Variants in NAV2 observed in about 807,000 individuals in gnomAD.
NAV2 encodes the protein neuron navigator 2.
NAV2 carries 54 observed loss-of-function variants against 223.2 expected under a neutral mutation model. The ratio of observed to expected loss-of-function variants is 0.24; its 90% confidence interval spans 0.19 to 0.30. The LOEUF is 0.30. Ranked by LOEUF, NAV2 falls within the 10% of genes least tolerant of loss-of-function variation. The probability of loss-of-function intolerance (pLI) is 1.00; values close to 1 mark genes in which losing one functional copy is unlikely to be tolerated. For synonymous variants in NAV2, 1,279 were observed against 1,239.3 expected, an observed-to-expected ratio of 1.03 and a Z score of -0.67; for missense variants, 2,806 against 3,147.5, an observed-to-expected ratio of 0.89 and a Z score of 2.60.
intron 1 of NAV2, among the ~76,000 whole-genome samples, chr11:19,676,481 G>GA (rs3043464): frequency 7.3e-5 from 11 of 151,360 alleles, no homozygotes; most frequent in African/African-American, 2.4e-4. Flanking sequence ...ACCTCTCCCT[G>GA]AAAAAAAAAA....
In NAV2 at chr11:19,998,599, G is replaced by A. The variant is rs759742002; in HGVS notation, c.2768+14352G>A. Among the ~76,000 whole-genome samples, 14 of 152,150 alleles carry A rather than the reference G, an allele frequency of 9.2e-5. No homozygotes were observed. The highest frequency in any genetic ancestry group is 2.1e-4 in the South Asian group (1 of 4,816). On this transcript the variant is annotated intron_variant, in intron 11 of 37. Coordinates refer to ENST00000349880, the MANE Select transcript of NAV2 (RefSeq NM_145117.5). This position sits in a 1 kb window ranked among gnomAD's most constrained non-coding sequence, Gnocchi z 5.0. ...CACCTCTCCAGCCTCACCTCATCAC[G>A]CTTTACCTCCCTGACTCCTGCCTTC...
At chr11:19,859,842 G>T (rs1458420376) in intron 3 of NAV2, among the ~76,000 whole-genome samples, 3 of 147,040 alleles carry the variant, frequency 2.0e-5, no homozygotes, top group Non-Finnish European at 4.5e-5. Context: ...ACTCCCTCCC[G>T]GACGGGGCGG....
intron 5 of NAV2, among the ~76,000 whole-genome samples, chr11:19,882,790 A>G (rs904499409): frequency 6.6e-6 from 1 of 152,128 alleles, no homozygotes; most frequent in Non-Finnish European, 1.5e-5. Context: ...TGGCCCCCTG[A>G]CCCTACAGTG....
At position 19,837,411 on chromosome 11, in the gene NAV2, G is replaced by A. The variant is rs117629753; in HGVS notation, c.385+4810G>A. On this transcript the variant is annotated intron_variant, in intron 2 of 37. Coordinates refer to ENST00000349880, the MANE Select transcript of NAV2 (RefSeq NM_145117.5). Reference sequence around the variant, plus strand: ...AAATTTGAGGAGGAGCAGGATTTTCGCATAGTCTCAAAATATCTCTCTATT... The same window carrying A: ...AAATTTGAGGAGGAGCAGGATTTTCACATAGTCTCAAAATATCTCTCTATT... Among the ~76,000 whole-genome samples, 1,382 of 152,206 alleles carry A rather than the reference G, an allele frequency of 9.1e-3. 11 individuals carry two copies. The highest frequency in any genetic ancestry group is 0.025 in the South Asian group (122 of 4,812).
intron 1 of NAV2, among the ~76,000 whole-genome samples, chr11:19,562,707 C>T (rs1292351115): frequency 6.6e-6 from 1 of 152,086 alleles, no homozygotes; most frequent in Non-Finnish European, 1.5e-5. Context: ...AAATGAAGGC[C>T]CTGTGCTGGT....
At chr11:19,601,375 C>T (rs949277571) in intron 1 of NAV2, among the ~76,000 whole-genome samples, 11 of 152,272 alleles carry the variant, frequency 7.2e-5, no homozygotes, top group South Asian at 4.2e-4. Context: ...CCCTTGCCTC[C>T]GCAGTGGCCC....
At chr11:19,488,278 T>A (rs1430462023) in intron 1 of NAV2, among the ~76,000 whole-genome samples, 1 of 152,218 alleles carries the variant, frequency 6.6e-6, no homozygotes, top group African/African-American at 2.4e-5. Flanking sequence ...GAAAAGAAGC[T>A]ACTCTAAATA....
In NAV2 at chr11:19,874,695, C is replaced by A. The variant is rs554217362; in HGVS notation, c.512-5174C>A. ...GGTAGAAACTGTGTGGCTGTCAGCA[C>A]ATTCAGCACTCTTGAGTTTTTGTAA... On this transcript the variant is annotated intron_variant, in intron 4 of 37. Coordinates refer to ENST00000349880, the MANE Select transcript of NAV2 (RefSeq NM_145117.5). 2.0e-5 allele frequency among the ~76,000 whole-genome samples: 3 copies of A among 152,338 alleles called. No homozygotes were observed. In the South Asian group the frequency reaches 6.2e-4, roughly 32 times the overall value.
At chr11:19,538,939 A>G (rs969682635) in intron 1 of NAV2, among the ~76,000 whole-genome samples, 13 of 151,842 alleles carry the variant, frequency 8.6e-5, no homozygotes, top group South Asian at 2.1e-4. Flanking sequence ...GCCACAAATC[A>G]TGGACTTTGT....
chr11:19,527,003 A>G (rs2043860926), intron 1 of NAV2, among the ~76,000 whole-genome samples: 1 of 151,702 alleles, frequency 6.6e-6, no homozygotes, highest in Non-Finnish European at 1.5e-5. Flanking sequence ...GAGTTGGTTT[A>G]TTTCTCCATG....
rs1162527293 is a variant in NAV2 at position 20,098,805 on chromosome 11, A to G, written c.6181+1060A>G. On this transcript the variant is annotated intron_variant, in intron 31 of 37. Coordinates refer to ENST00000349880, the MANE Select transcript of NAV2 (RefSeq NM_145117.5). ...AACAAAAAAGGAAATGTATGGGCTC[A>G]TGGCCTTGGGCAATCCAGGGGTACA... Among the ~76,000 whole-genome samples the G allele has an allele frequency of 2.0e-5, 3 of 152,234 alleles. 1 individual carries two copies. Among genetic ancestry groups the G allele is most frequent in the Non-Finnish European group, 4.4e-5 (3 of 68,038 alleles).
At chr11:19,516,919 T>A (rs963935005) in intron 1 of NAV2, among the ~76,000 whole-genome samples, 11 of 152,134 alleles carry the variant, frequency 7.2e-5, no homozygotes, top group Middle Eastern at 3.4e-3. Context: ...ATTAAAAAGA[T>A]GAAATTTCAC....
At chr11:19,624,883 G>A (rs893075543) in intron 1 of NAV2, among the ~76,000 whole-genome samples, 8 of 152,088 alleles carry the variant, frequency 5.3e-5, no homozygotes, top group Non-Finnish European at 1.2e-4. Flanking sequence ...CTACCTATTC[G>A]GCCATCTTGG....
chr11:19,858,665 C>T (rs1003727158), intron 3 of NAV2, among the ~76,000 whole-genome samples: 1 of 152,192 alleles, frequency 6.6e-6, no homozygotes, highest in Non-Finnish European at 1.5e-5. Context: ...TTAGCCAAAA[C>T]TATTTGCCTA....
intron 10 of NAV2, among the ~76,000 whole-genome samples, chr11:19,975,946 AATTTCTGATTTCGATAATGGT>A (rs2049696230): frequency 2.4e-5 from 1 of 41,808 alleles, no homozygotes; most frequent in Non-Finnish European, 1.1e-4. Context: ...AAAGTTTAGG[AATTTCTGATTTCGATAATGGT>A]CTGTAAACTG....
At chr11:19,906,355 T>A (rs1010167504) in intron 6 of NAV2, among the ~76,000 whole-genome samples, 3 of 152,158 alleles carry the variant, frequency 2.0e-5, no homozygotes, top group Admixed American at 1.3e-4. Context: ...ATTCTTGTGA[T>A]TGGGAAACAG....
intron 19 of NAV2, chr11:20,056,624 G>T (rs918609487): frequency 6.2e-7 from 1 of 1,608,378 alleles, no homozygotes; most frequent in Non-Finnish European, 8.5e-7. Context: ...CAAGGTATGA[G>T]TTAGGTGAGT....
chr11:19,552,273 G>A (rs1478780638), intron 1 of NAV2, among the ~76,000 whole-genome samples: 2 of 152,234 alleles, frequency 1.3e-5, no homozygotes, highest in Non-Finnish European at 2.9e-5. Context: ...CTGGGAATCC[G>A]TGGACAGATG....
At chr11:19,371,307 C>T (rs1848461337) in intron 1 of NAV2, among the ~76,000 whole-genome samples, 1 of 152,134 alleles carries the variant, frequency 6.6e-6, no homozygotes, top group Non-Finnish European at 1.5e-5. Flanking sequence ...AGCCAGCACT[C>T]AAATCCTTAC....
Sources: allele counts gnomAD v4.1 joint callset (sites outside exome capture counted in the v4.1 genomes callset), GRCh38; gene constraint gnomAD v4.1.1; non-coding constraint Gnocchi (gnomAD v3.1); transcripts MANE v1.5; gene names NCBI Gene and HGNC (gene_info 2026-07-23, HGNC 2026-07-21).